Variants in TEAD1 observed in about 807,000 individuals in gnomAD.
The protein encoded by TEAD1 is TEA domain transcription factor 1.
Under a neutral mutation model 54.9 loss-of-function variants are expected in TEAD1, and 9 were observed. The ratio of observed to expected loss-of-function variants is 0.16; its 90% CI spans 0.10 to 0.29. The LOEUF is 0.29. Ranked by LOEUF, TEAD1 falls within the 10% of genes least tolerant of loss-of-function variation. The probability of loss-of-function intolerance (pLI) is 1.00; values close to 1 mark genes in which losing one functional copy is unlikely to be tolerated. For synonymous variants in TEAD1, 200 were observed against 187.8 expected, an observed-to-expected ratio of 1.07 and a Z score of -0.53; for missense variants, 387 against 535.9, an observed-to-expected ratio of 0.72 and a Z score of 2.74.
chr11:12,844,135 C>A (rs2134038920), intron 3 of TEAD1, among the ~76,000 whole-genome samples: 1 of 152,054 alleles, frequency 6.6e-6, no homozygotes, highest in South Asian at 2.1e-4. Flanking sequence ...TTATTTTCAC[C>A]CATCATGACT....
At chr11:12,718,341 C>T (rs187184419) in intron 2 of TEAD1, among the ~76,000 whole-genome samples, 2 of 152,226 alleles carry the variant, frequency 1.3e-5, no homozygotes, top group East Asian at 3.9e-4. Flanking sequence ...AGGTGTCCCC[C>T]GGCCCCTCAC....
chr11:12,875,052 C>G (rs182337915), intron 5 of TEAD1, among the ~76,000 whole-genome samples: 2 of 152,322 alleles, frequency 1.3e-5, no homozygotes, highest in Admixed American at 1.3e-4. Context: ...TAAGACTTCA[C>G]AGAGCATAAT....
At position 12,780,487 on chromosome 11, in the gene TEAD1, G is replaced by A. The variant is rs371617156; in HGVS notation, c.202+16053G>A. 1.4e-4 allele frequency among the ~76,000 whole-genome samples: 22 copies of A among 152,046 alleles called. 1 individual carries two copies. The highest frequency in any genetic ancestry group is 1.2e-3 in the South Asian group (6 of 4,808). ...TCGAACTCCTGACCTCAGGTGATGC[G>A]CCTGCCTCGGTCTCCCAAAGTGCCA... is the stretch of plus-strand genomic sequence containing the variant. On this transcript the variant is annotated intron_variant, in intron 3 of 12. Coordinates refer to ENST00000527636, the MANE Select transcript of TEAD1 (RefSeq NM_021961.6).
At chr11:12,729,811 A>G (rs892610221) in intron 2 of TEAD1, among the ~76,000 whole-genome samples, 20 of 152,184 alleles carry the variant, frequency 1.3e-4, no homozygotes, top group African/African-American at 4.3e-4. Flanking sequence ...ACGATAGAGA[A>G]TGCACTGGGT....
chr11:12,777,541 A>T (rs1227585740), intron 3 of TEAD1, among the ~76,000 whole-genome samples: 1 of 152,250 alleles, frequency 6.6e-6, no homozygotes. Context: ...GGTTTGGTGC[A>T]TGATAATGTC....
chr11:12,744,716 T>G lies in TEAD1; in HGVS notation c.-54-19463T>G, dbSNP rs140194340. The stretch of plus-strand genomic sequence containing the variant: ...AAAAACCCGATTAAAAATTTAAAAA[T>G]TATTGTATAATTAGTGAGTGGGTGA... On this transcript the variant is annotated intron_variant, in intron 2 of 12. Coordinates refer to ENST00000527636, the MANE Select transcript of TEAD1 (RefSeq NM_021961.6). 2.6e-4 allele frequency among the ~76,000 whole-genome samples: 40 copies of G among 152,300 alleles called. No homozygotes were observed. The East Asian group carries it at 7.4e-3, about 28-fold the overall frequency.
intron 2 of TEAD1, among the ~76,000 whole-genome samples, chr11:12,685,973 C>G (rs1354566405): frequency 6.6e-6 from 1 of 152,182 alleles, no homozygotes; most frequent in African/African-American, 2.4e-5. Flanking sequence ...CTTCCTTGTT[C>G]CTGTGTCCAT....
chr11:12,887,086 T>TAG (rs1948103262), intron 9 of TEAD1, among the ~76,000 whole-genome samples: 1 of 8,680 alleles, frequency 1.2e-4, no homozygotes, highest in Admixed American at 1.7e-3. Flanking sequence ...TTTTTGTTTT[T>TAG]TTTTTTGTTT....
intron 3 of TEAD1, among the ~76,000 whole-genome samples, chr11:12,773,839 G>A (rs1015492611): frequency 3.3e-5 from 5 of 152,136 alleles, no homozygotes. Context: ...TCATGCTTTT[G>A]GTGTTGAGTC....
At chr11:12,774,735 T>A (rs903201968) in intron 3 of TEAD1, among the ~76,000 whole-genome samples, 1 of 152,216 alleles carries the variant, frequency 6.6e-6, no homozygotes, top group African/African-American at 2.4e-5. Flanking sequence ...GAAGAAGTTC[T>A]TTGAATTCTT....
chr11:12,918,099 A>G (rs940062288), intron 10 of TEAD1, among the ~76,000 whole-genome samples: 32 of 152,206 alleles, frequency 2.1e-4, no homozygotes, highest in Non-Finnish European at 3.7e-4. Flanking sequence ...CTTCAGAACT[A>G]CATGAAATAG....
At chr11:12,777,879 A>G (rs1945463679) in intron 3 of TEAD1, among the ~76,000 whole-genome samples, 2 of 152,164 alleles carry the variant, frequency 1.3e-5, no homozygotes, top group Non-Finnish European at 2.9e-5. Flanking sequence ...GGAATTGTCA[A>G]GTGGGTTGAA....
intron 2 of TEAD1, among the ~76,000 whole-genome samples, chr11:12,683,051 C>G (rs1943256584): frequency 6.6e-6 from 1 of 152,138 alleles, no homozygotes; most frequent in Admixed American, 6.5e-5. Context: ...TAAGAATACT[C>G]TTGTTGTTAC....
At chr11:12,914,022 C>G (rs1339924226) in intron 10 of TEAD1, among the ~76,000 whole-genome samples, 1 of 152,170 alleles carries the variant, frequency 6.6e-6, no homozygotes, top group Non-Finnish European at 1.5e-5. Context: ...AGAACTGGCC[C>G]GTGTAGCTGC....
At chr11:12,744,737 G>T (rs1254690209) in intron 2 of TEAD1, among the ~76,000 whole-genome samples, 1 of 151,946 alleles carries the variant, frequency 6.6e-6, no homozygotes, top group Non-Finnish European at 1.5e-5. Context: ...TTAGTGAGTG[G>T]GTGAACATGT....
At chr11:12,755,805 T>G (rs1037416671) in intron 2 of TEAD1, among the ~76,000 whole-genome samples, 2 of 152,166 alleles carry the variant, frequency 1.3e-5, no homozygotes, top group Non-Finnish European at 2.9e-5. Context: ...TAGGATAGAT[T>G]GCCTGAAACT....
In TEAD1 at chr11:12,882,715, C is replaced by T. The variant is rs114968659; in HGVS notation, c.575-286C>T. Reference sequence around the variant, plus strand: ...ACTGTCCTGTCATTCTTGGCTTGGTCCCCAAGTAGACCCCTTGGTGCAGGA... The same window carrying T: ...ACTGTCCTGTCATTCTTGGCTTGGTTCCCAAGTAGACCCCTTGGTGCAGGA... On this transcript the variant is annotated intron_variant, in intron 8 of 12. Coordinates refer to ENST00000527636, the MANE Select transcript of TEAD1 (RefSeq NM_021961.6). Among the ~76,000 whole-genome samples, 583 of 152,314 alleles carry T rather than the reference C, an allele frequency of 3.8e-3. 5 individuals are homozygous for T. The highest frequency in any genetic ancestry group is 0.013 in the African/African-American group (546 of 41,560).
chr11:12,756,185 G>T (rs1275172883), intron 2 of TEAD1, among the ~76,000 whole-genome samples: 1 of 152,176 alleles, frequency 6.6e-6, no homozygotes, highest in Non-Finnish European at 1.5e-5. Context: ...TGTTGACACG[G>T]AAGTGATTTT....
At chr11:12,755,516 A>G (rs1590118276) in intron 2 of TEAD1, among the ~76,000 whole-genome samples, 1 of 152,232 alleles carries the variant, frequency 6.6e-6, no homozygotes, top group African/African-American at 2.4e-5. Flanking sequence ...GGAATTGGGG[A>G]GTTAGTCTTA....
Sources: allele counts gnomAD v4.1 joint callset (sites outside exome capture counted in the v4.1 genomes callset), GRCh38; gene constraint gnomAD v4.1.1; transcripts MANE v1.5; gene names NCBI Gene and HGNC (gene_info 2026-07-23, HGNC 2026-07-21).